Variants in DLG1 observed in about 807,000 individuals in gnomAD.
DLG1 encodes disks large homolog 1.
In DLG1, 42 loss-of-function variants were observed where a neutral mutation model predicts 123.4. The ratio of observed to expected loss-of-function variants is 0.34; its 90% CI spans 0.27 to 0.44. The LOEUF (loss-of-function observed/expected upper bound fraction) is 0.44, where lower values mean the gene tolerates loss of function less well. DLG1 is among the 20% of genes least tolerant of loss of function. The probability of loss-of-function intolerance (pLI) is 1.00; values close to 1 mark genes in which losing one functional copy is unlikely to be tolerated. For synonymous variants in DLG1, 317 were observed against 356.2 expected, an observed-to-expected ratio of 0.89 and a Z score of 1.24; for missense variants, 942 against 1,082.6, an observed-to-expected ratio of 0.87 and a Z score of 1.82.
Position 197,296,396 on chromosome 3 carries a change from A to G in DLG1, c.101T>C (p.Ile34Thr), listed in dbSNP as rs926966709. The stretch of plus-strand genomic sequence containing the variant: ...CTGAAATATGTTAATAACCCGTTCT[A>G]TGGAACTTCTGAGCTGTCTGTCTTC... ...QTEDRQLRSS[I>T]ERVINIFQSN... is the part of the protein sequence containing the mutation. Residue 34 changes from isoleucine to threonine, a missense_variant, in exon 3 of 25, where the codon ATA (isoleucine) becomes ACA (threonine). Ile to Thr is a moderately conservative substitution (Grantham distance 89, BLOSUM62 -1). Coordinates refer to ENST00000667157, the MANE Select transcript of DLG1 (RefSeq NM_001366207.1). 4 of 1,613,718 alleles carry G rather than the reference A, an allele frequency of 2.5e-6. No individual in the cohort carries two copies. Among genetic ancestry groups the G allele is most frequent in the African/African-American group, 1.3e-5 (1 of 74,906 alleles).
chr3:197,083,029 A>G (rs1325987625), intron 16 of DLG1, among the ~76,000 whole-genome samples: 1 of 152,228 alleles, frequency 6.6e-6, no homozygotes, highest in Non-Finnish European at 1.5e-5. Context: ...CAAGGCATAG[A>G]GGAAGCATTT....
At chr3:197,145,467 C>A (rs1790272758) in intron 6 of DLG1, among the ~76,000 whole-genome samples, 1 of 152,126 alleles carries the variant, frequency 6.6e-6, no homozygotes, top group African/African-American at 2.4e-5. Flanking sequence ...ACCAATTTTC[C>A]TTGGCATATG....
intron 17 of DLG1, among the ~76,000 whole-genome samples, chr3:197,077,176 A>C (rs183281045): frequency 8.5e-5 from 13 of 152,076 alleles, no homozygotes; most frequent in Non-Finnish European, 1.6e-4. Flanking sequence ...ATTATTTAAA[A>C]AGTAAACCAA....
At chr3:197,086,177 T>A (rs1452516795) in intron 15 of DLG1, among the ~76,000 whole-genome samples, 1 of 152,228 alleles carries the variant, frequency 6.6e-6, no homozygotes, top group Non-Finnish European at 1.5e-5. Context: ...ACTGTACGAC[T>A]AGATCAACAT....
rs11925463 is a variant in DLG1, at chr3:197,139,598, G to T, written c.713+542C>A. On this transcript the variant is annotated intron_variant, in intron 8 of 24. Coordinates refer to ENST00000667157, the MANE Select transcript of DLG1 (RefSeq NM_001366207.1). ...CAAAATGGAACACTAAATTTAAACA[G>T]AGACAAATGTTATTTTCATCTAGTC... Among the ~76,000 whole-genome samples, 1,219 of 152,254 alleles carry T rather than the reference G, an allele frequency of 8.0e-3. 17 individuals are homozygous for T. Among genetic ancestry groups the T allele is most frequent in the African/African-American group, 0.028 (1,144 of 41,544 alleles).
intron 5 of DLG1, among the ~76,000 whole-genome samples, chr3:197,178,035 T>A (rs1208945113): frequency 1.3e-5 from 2 of 152,064 alleles, no homozygotes; most frequent in Non-Finnish European, 2.9e-5. Flanking sequence ...TCACAGAAAC[T>A]GAGGATACAA....
chr3:197,269,102 A>C (rs1029032947), intron 4 of DLG1, among the ~76,000 whole-genome samples: 4 of 152,246 alleles, frequency 2.6e-5, no homozygotes, highest in African/African-American at 9.6e-5. Flanking sequence ...AATAAGTAGA[A>C]GTGCACTCTA....
intron 3 of DLG1, among the ~76,000 whole-genome samples, chr3:197,291,504 A>G (rs905137104): frequency 6.6e-6 from 1 of 152,250 alleles, no homozygotes; most frequent in Non-Finnish European, 1.5e-5. Context: ...ATAATGCACC[A>G]TTATAAATAT....
chr3:197,267,425 C>T (rs1762150878), intron 4 of DLG1, among the ~76,000 whole-genome samples: 2 of 152,128 alleles, frequency 1.3e-5, no homozygotes, highest in Non-Finnish European at 2.9e-5. Context: ...GCCTCTGTTC[C>T]CTTCTTCACT....
intron 18 of DLG1, among the ~76,000 whole-genome samples, chr3:197,072,780 C>A (rs1416026293): frequency 1.3e-5 from 2 of 152,082 alleles, no homozygotes; most frequent in Non-Finnish European, 2.9e-5. Flanking sequence ...GCAACCTTCA[C>A]CTCCCGGGTT....
At chr3:197,279,971 C>T (rs1284164428) in intron 4 of DLG1, among the ~76,000 whole-genome samples, 2 of 152,142 alleles carry the variant, frequency 1.3e-5, no homozygotes, top group African/African-American at 4.8e-5. Context: ...TCACCTCAAA[C>T]ATTTATCATT....
At chr3:197,192,408 G>A (rs1720100447) in intron 5 of DLG1, among the ~76,000 whole-genome samples, 1 of 151,824 alleles carries the variant, frequency 6.6e-6, no homozygotes. Flanking sequence ...AGTGCAATAA[G>A]CAAGTGACTT....
chr3:197,181,556 C>T (rs1577652072), intron 5 of DLG1, among the ~76,000 whole-genome samples: 2 of 152,036 alleles, frequency 1.3e-5, no homozygotes, highest in East Asian at 3.8e-4. Flanking sequence ...AAGTAAGATC[C>T]AATTATATCT....
At chr3:197,246,875 C>CT (rs1233036002) in intron 4 of DLG1, among the ~76,000 whole-genome samples, 4 of 152,142 alleles carry the variant, frequency 2.6e-5, no homozygotes. Context: ...ATTTGGTCTG[C>CT]TGCAGGAATG....
intron 4 of DLG1, among the ~76,000 whole-genome samples, chr3:197,277,590 C>T (rs545708645): frequency 4.2e-4 from 64 of 152,228 alleles, no homozygotes; most frequent in Non-Finnish European, 8.2e-4. Context: ...ATTCACCTGC[C>T]TGGGCCTCCA....
chr3:197,280,056 C>A (rs147645205), intron 4 of DLG1, among the ~76,000 whole-genome samples: 1 of 152,110 alleles, frequency 6.6e-6, no homozygotes, highest in Non-Finnish European at 1.5e-5. Flanking sequence ...ACGGTAGTCA[C>A]CCTACTGTGC....
At chr3:197,215,798 TACTGAGTTGGG>T (rs1322912768) in intron 4 of DLG1, among the ~76,000 whole-genome samples, 2 of 152,168 alleles carry the variant, frequency 1.3e-5, no homozygotes, top group East Asian at 3.8e-4. Flanking sequence ...TCAGAATTAT[TACTGAGTTGGG>T]AAGGAATGAC....
rs1360079948 is a variant in DLG1 at position 197,297,198 on chromosome 3, C to G, written c.7G>C (p.Val3Leu). The G allele has an allele frequency of 5.0e-6, 8 of 1,614,068 alleles. No homozygotes were observed. Among genetic ancestry groups the G allele is most frequent in the Non-Finnish European group, 6.8e-6 (8 of 1,180,010 alleles). The change falls in exon 2 of 25, where the codon GTC (valine) becomes CTC (leucine). Residue 3 changes from valine to leucine, a missense_variant. Val to Leu is a conservative substitution (Grantham distance 32). Transcript: ENST00000667157. ...AATAAACTCTCACCTTGCTTCCGGA[C>G]CGGCATTTTTCTCCAGAATCAGGAA... MP[V>L]RKQDTQRALH...
chr3:197,291,300 TACACAC>T (rs33920543), intron 3 of DLG1, among the ~76,000 whole-genome samples: 4,105 of 143,250 alleles, frequency 0.029, 209 homozygotes, highest in East Asian at 0.14. Context: ...CCTACAAAGT[TACACAC>T]ACACACACAC....
Sources: allele counts gnomAD v4.1 joint callset (sites outside exome capture counted in the v4.1 genomes callset), GRCh38; gene constraint gnomAD v4.1.1; transcripts MANE v1.5; gene names NCBI Gene and HGNC (gene_info 2026-07-23, HGNC 2026-07-21).